The following IL26 variants were observed in gnomAD, a reference collection of about 807,000 sequenced individuals.
IL26 encodes interleukin-26.
In IL26, 23 loss-of-function variants were observed where a neutral mutation model predicts 21.7. The observed-to-expected ratio is 1.06, with a 90% CI of 0.76 to 1.50. The LOEUF (loss-of-function observed/expected upper bound fraction) is 1.50, where lower values mean the gene tolerates loss of function less well. Ranked by LOEUF, IL26 falls within the 40% of genes most tolerant of loss-of-function variation. IL26 has a pLI of 0.00. For synonymous variants in IL26, 63 were observed against 67.8 expected, an observed-to-expected ratio of 0.93 and a Z score of 0.34; for missense variants, 204 against 196.0, an observed-to-expected ratio of 1.04 and a Z score of -0.24.
intron 3 of IL26, among the ~76,000 whole-genome samples, chr12:68,211,521 C>T (rs1177056536): frequency 6.6e-6 from 1 of 152,306 alleles, no homozygotes; most frequent in East Asian, 1.9e-4. Flanking sequence ...TACATTCCCA[C>T]CAACAGTGTG....
intron 3 of IL26, among the ~76,000 whole-genome samples, chr12:68,224,132 A>G (rs1201903152): frequency 6.6e-6 from 1 of 151,836 alleles, no homozygotes; most frequent in Non-Finnish European, 1.5e-5. Context: ...AAGGATTGCA[A>G]TAAGGCTCCC....
chr12:68,211,111 C>G (rs1868716485), intron 3 of IL26, among the ~76,000 whole-genome samples: 1 of 152,210 alleles, frequency 6.6e-6, no homozygotes, highest in Non-Finnish European at 1.5e-5. Flanking sequence ...CCAGCCTCTG[C>G]TCACACTCAA....
At chr12:68,212,043 T>C (rs1213835017) in intron 3 of IL26, among the ~76,000 whole-genome samples, 2 of 152,176 alleles carry the variant, frequency 1.3e-5, no homozygotes, top group East Asian at 3.8e-4. Flanking sequence ...CCATTTTGAT[T>C]TTATTTTTCT....
At chr12:68,210,067 C>A (rs1868664754) in intron 3 of IL26, among the ~76,000 whole-genome samples, 1 of 151,694 alleles carries the variant, frequency 6.6e-6, no homozygotes, top group Non-Finnish European at 1.5e-5. Flanking sequence ...TCTACTGTGA[C>A]CACAGCCTTG....
intron 3 of IL26, among the ~76,000 whole-genome samples, chr12:68,209,299 A>T (rs1868635482): frequency 1.3e-5 from 2 of 152,230 alleles, no homozygotes; most frequent in South Asian, 4.1e-4. Context: ...TGAGCTCTGG[A>T]AGCCCAGACT....
intron 3 of IL26, among the ~76,000 whole-genome samples, chr12:68,204,168 G>C (rs975414428): frequency 2.7e-5 from 3 of 111,188 alleles, no homozygotes; most frequent in African/African-American, 1.0e-4. Context: ...TTTTGAGGCA[G>C]AGTCTTGCTC....
intron 3 of IL26, among the ~76,000 whole-genome samples, chr12:68,208,319 G>T (rs759490): frequency 6.6e-6 from 1 of 151,940 alleles, no homozygotes; most frequent in African/African-American, 2.4e-5. Flanking sequence ...GCTGGAGAGC[G>T]CAGAGATAAT....
At chr12:68,224,344 T>A (rs1388882210) in intron 3 of IL26, among the ~76,000 whole-genome samples, 1 of 151,854 alleles carries the variant, frequency 6.6e-6, no homozygotes, top group African/African-American at 2.4e-5. Context: ...TCTGCACTGG[T>A]CTTTATTGCT....
At chr12:68,210,280 G>A (rs1868672433) in intron 3 of IL26, among the ~76,000 whole-genome samples, 1 of 131,760 alleles carries the variant, frequency 7.6e-6, no homozygotes, top group South Asian at 2.5e-4. Context: ...CCATACTTGA[G>A]AAAATTATGC....
chr12:68,214,766 C>T (rs1296960435), intron 3 of IL26, among the ~76,000 whole-genome samples: 1 of 151,756 alleles, frequency 6.6e-6, no homozygotes, highest in East Asian at 1.9e-4. Context: ...ATTGTTTGGT[C>T]TTGTTTCTTT....
At chr12:68,225,006 G>T (rs1869196554) in intron 3 of IL26, 143 bp downstream of exon 3, 2 of 686,082 alleles carry the variant, frequency 2.9e-6, no homozygotes, top group Non-Finnish European at 4.8e-6. Context: ...CTATTTCCCT[G>T]GTGATGACCT....
At chr12:68,212,547 G>T (rs530581390) in intron 3 of IL26, among the ~76,000 whole-genome samples, 23 of 152,092 alleles carry the variant, frequency 1.5e-4, no homozygotes, top group Non-Finnish European at 3.1e-4. Context: ...TTTTGTGTGT[G>T]TGTCCTCTTC....
chr12:68,223,303 G>T (rs370812278), intron 3 of IL26, among the ~76,000 whole-genome samples: 2 of 152,100 alleles, frequency 1.3e-5, no homozygotes, highest in African/African-American at 4.8e-5. Flanking sequence ...TGATGTGTTC[G>T]TATTTGGCCA....
chr12:68,214,237 T>C (rs938223610), intron 3 of IL26, among the ~76,000 whole-genome samples: 1 of 149,912 alleles, frequency 6.7e-6, no homozygotes, highest in Non-Finnish European at 1.5e-5. Flanking sequence ...AATTATGACT[T>C]TTTGAATGTG....
Position 68,225,190 on chromosome 12 carries a change from C to A in IL26, c.322G>T (p.Val108Leu), listed in dbSNP as rs772672754. ...TGCCTAAGGCTATGAAAGTCCTCCA[C>A]AAAGCGTATTTTCTTGCAGCCTTGC... ...QLQGCKKIRF[V>L]EDFHSLRQKL... Residue 108 changes from valine (V) to leucine (L), a missense_variant, in exon 3 of 5, where the codon GTG becomes TTG. Val to Leu is a conservative substitution (Grantham distance 32). Coordinates refer to ENST00000229134, the MANE Select transcript of IL26 (RefSeq NM_018402.2). The A allele has an allele frequency of 6.2e-7, 1 of 1,613,984 alleles. No homozygotes were observed. Among genetic ancestry groups the A allele is most frequent in the East Asian group, 2.2e-5 (1 of 44,876 alleles).
chr12:68,201,482 T>A lies in IL26; in HGVS notation c.*363A>T, dbSNP rs1391081896. ...AACATCTATTTAAGTCTCAGTAACATTACATTGCATTCCAGAAATCTGTCA... is the reference window on the plus strand; with the variant it reads ...AACATCTATTTAAGTCTCAGTAACAATACATTGCATTCCAGAAATCTGTCA... On this transcript the variant is annotated 3_prime_UTR_variant, in exon 5 of 5. Transcript: ENST00000229134. 1 of 185,078 alleles carries A rather than the reference T, an allele frequency of 5.4e-6. No individual in the cohort carries two copies. Among genetic ancestry groups the A allele is most frequent in the Admixed American group, 5.7e-5 (1 of 17,652 alleles). 11.5% of individuals were successfully genotyped at this position (185,078 alleles called of 1,614,324 possible).
At chr12:68,224,060 A>G (rs1197462957) in intron 3 of IL26, among the ~76,000 whole-genome samples, 1 of 143,692 alleles carries the variant, frequency 7.0e-6, no homozygotes, top group African/African-American at 2.9e-5. Context: ...CTAATGGCCC[A>G]GTGTTTAAGT....
intron 3 of IL26, among the ~76,000 whole-genome samples, chr12:68,209,051 A>G (rs1868628008): frequency 6.6e-6 from 1 of 152,248 alleles, no homozygotes; most frequent in African/African-American, 2.4e-5. Flanking sequence ...ATAAACAAGC[A>G]ATACAATCCT....
rs369106484 is a variant in IL26, at chr12:68,202,096, C to T, written c.364-13G>A. 7 of 1,497,750 alleles carry T rather than the reference C, an allele frequency of 4.7e-6. No homozygotes were observed. Among genetic ancestry groups the T allele is most frequent in the Non-Finnish European group, 5.5e-6 (6 of 1,092,312 alleles). 92.8% of individuals were successfully genotyped at this position (1,497,750 alleles called of 1,614,324 possible). A position where few individuals can be genotyped will look rare whatever the true frequency, so the allele number is the denominator to read the frequency against. ...AAGCACAGGAAATCTAAGAAATCAA[C>T]AGTAATTACAGATAATATTGTTGAA... On this transcript the variant is annotated splice_polypyrimidine_tract_variant and intron_variant, in intron 3 of 4. Coordinates refer to ENST00000229134, the MANE Select transcript of IL26 (RefSeq NM_018402.2).
Sources: allele counts gnomAD v4.1 joint callset (sites outside exome capture counted in the v4.1 genomes callset), GRCh38; gene constraint gnomAD v4.1.1; transcripts MANE v1.5; gene names NCBI Gene and HGNC (gene_info 2026-07-23, HGNC 2026-07-21).